Variants in ITGA8 observed in about 807,000 individuals in gnomAD.
ITGA8 encodes the protein integrin alpha-8.
A neutral mutation model predicts 142.3 loss-of-function variants in ITGA8; 91 were observed. The ratio of observed to expected loss-of-function variants is 0.64; its 90% CI spans 0.54 to 0.76. The LOEUF is 0.76. Among genes scored for constraint, ITGA8 ranks in the 30% least tolerant of loss-of-function variants. The pLI, the probability that ITGA8 is intolerant of heterozygous loss-of-function variation, is 0.00. For synonymous variants in ITGA8, 505 were observed against 485.2 expected (o/e 1.04, Z -0.54); for missense variants, 1,406 against 1,327.7 (o/e 1.06, Z -0.92).
intron 8 of ITGA8, among the ~76,000 whole-genome samples, chr10:15,666,964 T>C (rs767415203): frequency 2.0e-5 from 3 of 152,220 alleles, no homozygotes; most frequent in Non-Finnish European, 4.4e-5. Flanking sequence ...ATCAAGGATA[T>C]TGGTCTAAAA....
chr10:15,568,037 T>A (rs534009691), intron 25 of ITGA8, among the ~76,000 whole-genome samples: 53 of 152,298 alleles, frequency 3.5e-4, no homozygotes, highest in Non-Finnish European at 5.3e-4. Context: ...CTCAGTCTCC[T>A]GAGCAGCTGG....
At chr10:15,711,196 C>T (rs1835356928) in intron 2 of ITGA8, among the ~76,000 whole-genome samples, 1 of 152,214 alleles carries the variant, frequency 6.6e-6, no homozygotes, top group Admixed American at 6.5e-5. Context: ...TGCATTCACA[C>T]TCTTCTTATC....
chr10:15,553,747 TC>T (rs1319062507), intron 26 of ITGA8, among the ~76,000 whole-genome samples: 9 of 152,140 alleles, frequency 5.9e-5, no homozygotes, highest in African/African-American at 2.2e-4. Flanking sequence ...ACACCTGTAA[TC>T]CCAGCACTTT....
chr10:15,566,403 T>C (rs1045794332), intron 25 of ITGA8, among the ~76,000 whole-genome samples: 1 of 152,218 alleles, frequency 6.6e-6, no homozygotes, highest in Non-Finnish European at 1.5e-5. Context: ...AGTCTTAACA[T>C]AGGTTATATG....
At chr10:15,666,730 C>A (rs541922271) in intron 8 of ITGA8, among the ~76,000 whole-genome samples, 3 of 151,810 alleles carry the variant, frequency 2.0e-5, no homozygotes, top group Admixed American at 6.6e-5. Context: ...TAGCATGAAG[C>A]GTTGTTGAAT....
chr10:15,634,163 T>C (rs1419199144), intron 13 of ITGA8, among the ~76,000 whole-genome samples: 4 of 152,184 alleles, frequency 2.6e-5, no homozygotes, highest in Admixed American at 2.0e-4. Context: ...CACTCTCTCT[T>C]TTTAACTGTT....
intron 27 of ITGA8, among the ~76,000 whole-genome samples, chr10:15,545,960 G>A (rs555906133): frequency 5.6e-4 from 86 of 152,240 alleles, no homozygotes; most frequent in African/African-American, 2.0e-3. Context: ...TGTAATTTCT[G>A]TCTCATCAGT....
intron 27 of ITGA8, among the ~76,000 whole-genome samples, chr10:15,541,077 A>G (rs540766848): frequency 1.3e-5 from 2 of 152,162 alleles, no homozygotes; most frequent in Non-Finnish European, 2.9e-5. Context: ...AAGTGGATAT[A>G]AAGAGAGTTG....
intron 27 of ITGA8, among the ~76,000 whole-genome samples, chr10:15,541,016 T>A (rs1338903802): frequency 1.1e-4 from 17 of 152,158 alleles, no homozygotes. Context: ...AACTTGCCCT[T>A]CAATTTGCAT....
At chr10:15,697,344 A>G (rs1465283849) in intron 2 of ITGA8, among the ~76,000 whole-genome samples, 3 of 152,232 alleles carry the variant, frequency 2.0e-5, no homozygotes, top group African/African-American at 7.2e-5. Context: ...AATAATTGTG[A>G]AGAATGGACA....
intron 11 of ITGA8, among the ~76,000 whole-genome samples, chr10:15,652,912 C>T (rs1360278045): frequency 2.6e-5 from 4 of 152,170 alleles, no homozygotes; most frequent in South Asian, 2.1e-4. Flanking sequence ...CTGATAACAG[C>T]GAAGCCTGAG....
At chr10:15,706,910 T>G (rs569638746) in intron 2 of ITGA8, among the ~76,000 whole-genome samples, 5 of 152,306 alleles carry the variant, frequency 3.3e-5, no homozygotes, top group African/African-American at 1.2e-4. Context: ...CTATCACTCT[T>G]GCCCCGATTT....
At chr10:15,559,015 G>T (rs796879325) in intron 25 of ITGA8, among the ~76,000 whole-genome samples, 49 of 152,194 alleles carry the variant, frequency 3.2e-4, no homozygotes, top group African/African-American at 1.2e-3. Flanking sequence ...GTTTCTCTTT[G>T]TAGTCACAGG....
intron 14 of ITGA8, 108 bp downstream of exon 14, chr10:15,616,406 T>G (rs1833392048): frequency 1.1e-6 from 1 of 877,440 alleles, no homozygotes; most frequent in Non-Finnish European, 1.9e-6. Flanking sequence ...AAAGAGCATC[T>G]AAATATTCCC....
chr10:15,675,449 G>A (rs1335605278), intron 6 of ITGA8, among the ~76,000 whole-genome samples: 1 of 152,122 alleles, frequency 6.6e-6, no homozygotes, highest in African/African-American at 2.4e-5. Context: ...TGCCTCCAAA[G>A]TATTTCTCAA....
intron 12 of ITGA8, among the ~76,000 whole-genome samples, chr10:15,644,431 C>A (rs1833929678): frequency 1.2e-5 from 1 of 85,030 alleles, no homozygotes; most frequent in Non-Finnish European, 2.2e-5. Flanking sequence ...CCATGTCAGG[C>A]TAATATATAT....
chr10:15,569,443 A>G (rs919801001), intron 25 of ITGA8, among the ~76,000 whole-genome samples: 2 of 152,234 alleles, frequency 1.3e-5, no homozygotes, highest in African/African-American at 4.8e-5. Flanking sequence ...ATAATCAGGA[A>G]TTGAAGCTTA....
chr10:15,690,027 A>C (rs1354909562), intron 2 of ITGA8, among the ~76,000 whole-genome samples: 1 of 151,846 alleles, frequency 6.6e-6, no homozygotes, highest in Non-Finnish European at 1.5e-5. Context: ...GTGACTCTGC[A>C]CTCGAGCCCG....
chr10:15,702,533 C>A (rs750989532), intron 2 of ITGA8, among the ~76,000 whole-genome samples: 5 of 152,124 alleles, frequency 3.3e-5, no homozygotes, highest in Admixed American at 1.3e-4. Flanking sequence ...TCAGGTGATT[C>A]ACCCACCTCG....
Sources: gnomAD v4.1 joint callset for allele counts (sites outside exome capture counted in the v4.1 genomes callset) on GRCh38, gnomAD v4.1.1 for gene constraint, MANE v1.5 for transcripts, NCBI Gene and HGNC (gene_info 2026-07-23, HGNC 2026-07-21) for gene names.